Variants in COL23A1 observed in about 807,000 individuals in gnomAD.
COL23A1 encodes collagen alpha-1(XXIII) chain.
A neutral mutation model predicts 99.3 loss-of-function variants in COL23A1; 97 were observed. The ratio of observed to expected loss-of-function variants is 0.98; its 90% CI spans 0.83 to 1.16. The LOEUF (loss-of-function observed/expected upper bound fraction) is 1.16. Ranked by LOEUF, COL23A1 falls within the 50% of genes most tolerant of loss-of-function variation. COL23A1 has a pLI of 0.00. For missense variants in COL23A1, 762 were observed against 757.4 expected (o/e 1.01, Z -0.07); for synonymous variants, 320 against 308.2 (o/e 1.04, Z -0.40).
In COL23A1 at chr5:178,247,807, G is replaced by T. The variant is rs1764791137; in HGVS notation, c.1237C>A (p.Pro413Thr). 2 of 1,613,334 alleles carry T rather than the reference G, an allele frequency of 1.2e-6. No individual in the cohort carries two copies. The highest frequency in any genetic ancestry group is 1.7e-5 in the Admixed American group (1 of 59,936). Residue 413 changes from proline (P) to threonine (T), a missense_variant, in exon 21 of 29, where the codon CCC becomes ACC. Transcript: ENST00000390654. The stretch of plus-strand genomic sequence containing the variant: ...CCTGGGGGGCCAGGGGGGCCAGGGG[G>T]CCCTGGCTCCACTATGAGCTGAGCC... ...SLAQLIVEPGPPGPPGPPGPM... is the reference protein window; with the variant it reads ...SLAQLIVEPGTPGPPGPPGPM...
chr5:178,272,411 G>A (rs1473294827), intron 5 of COL23A1, among the ~76,000 whole-genome samples: 2 of 152,198 alleles, frequency 1.3e-5, no homozygotes, highest in Non-Finnish European at 2.9e-5. Context: ...AGGAAACCAG[G>A]CAGTTCTAAA....
At chr5:178,480,884 G>A (rs1285523009) in intron 2 of COL23A1, among the ~76,000 whole-genome samples, 7 of 152,024 alleles carry the variant, frequency 4.6e-5, no homozygotes, top group African/African-American at 1.5e-4. Flanking sequence ...GGTGGCTCAC[G>A]GCTGTAATCC....
At chr5:178,385,290 C>G (rs562846547) in intron 2 of COL23A1, among the ~76,000 whole-genome samples, 1 of 152,200 alleles carries the variant, frequency 6.6e-6, no homozygotes, top group Non-Finnish European at 1.5e-5. Context: ...TTCCCTCCCC[C>G]CAGGTCTCAG....
In COL23A1 at chr5:178,256,322, C is replaced by T. The variant is rs1257872534; in HGVS notation, c.882+31G>A. The T allele has an allele frequency of 3.8e-6, 6 of 1,567,092 alleles. No homozygotes were observed. In the African/African-American group the frequency reaches 5.4e-5, roughly 14 times the overall value. On this transcript the variant is annotated intron_variant, in intron 15 of 28. Transcript: ENST00000390654. ...GCTATGGGGCCCCTAGATCTCATCCCTGAGGCCTCGCCTGAGGGGCGGCAG... is the reference window on the plus strand; with the variant it reads ...GCTATGGGGCCCCTAGATCTCATCCTTGAGGCCTCGCCTGAGGGGCGGCAG...
chr5:178,417,921 A>G (rs1321975255), intron 2 of COL23A1, among the ~76,000 whole-genome samples: 1 of 152,170 alleles, frequency 6.6e-6, no homozygotes, highest in East Asian at 1.9e-4. Context: ...TTCAGAGCCT[A>G]TTATTTATTC....
rs144352054 is a variant in COL23A1, at chr5:178,357,718, ATGTGTG to A, written c.362-50805_362-50800del. 1.5e-3 allele frequency among the ~76,000 whole-genome samples: 212 copies of A among 145,960 alleles called. 1 individual carries two copies. The South Asian group carries it at 0.033, about 23-fold the overall frequency. On this transcript the variant is annotated intron_variant, in intron 2 of 28. Coordinates refer to ENST00000390654, the MANE Select transcript of COL23A1 (RefSeq NM_173465.4). ...GTCAGGTCAGATTTAAAATGTGTGT[ATGTGTG>A]TGTGTGTGTGTGTATGTACGTGTAT... is the stretch of plus-strand genomic sequence containing the variant.
At chr5:178,261,205 G>T (rs919829394) in intron 11 of COL23A1, among the ~76,000 whole-genome samples, 1 of 152,096 alleles carries the variant, frequency 6.6e-6, no homozygotes, top group African/African-American at 2.4e-5. Flanking sequence ...CTGAGGTCAG[G>T]AGTTCGAGAC....
intron 2 of COL23A1, among the ~76,000 whole-genome samples, chr5:178,556,625 T>TTAAA (rs1554196187): frequency 4.8e-5 from 6 of 124,470 alleles, no homozygotes; most frequent in African/African-American, 1.6e-4. Context: ...CTCTGTCAAA[T>TTAAA]TAAAATAAAA....
intron 6 of COL23A1, among the ~76,000 whole-genome samples, chr5:178,269,206 C>CTT (rs1383290338): frequency 6.6e-6 from 1 of 150,792 alleles, no homozygotes; most frequent in African/African-American, 2.4e-5. Context: ...TTTCTTATTT[C>CTT]TTAAAAAAAA....
At chr5:178,426,369 G>A (rs1472789106) in intron 2 of COL23A1, among the ~76,000 whole-genome samples, 6 of 152,122 alleles carry the variant, frequency 3.9e-5, no homozygotes, top group Admixed American at 6.5e-5. Flanking sequence ...GATGACCCAC[G>A]TTTTTCTGTG....
intron 5 of COL23A1, among the ~76,000 whole-genome samples, chr5:178,274,460 A>C (rs1264716799): frequency 6.6e-6 from 1 of 152,180 alleles, no homozygotes; most frequent in Non-Finnish European, 1.5e-5. Context: ...CCAAGTGTCT[A>C]AGCCCGAGGG....
intron 11 of COL23A1, 118 bp from the exon 12 acceptor site, chr5:178,259,865 C>T (rs1415398417): frequency 3.5e-6 from 3 of 851,230 alleles, no homozygotes; most frequent in Non-Finnish European, 5.4e-6. Context: ...CCAGGGCCAG[C>T]CCAGAGACCC....
At chr5:178,431,753 G>C (rs1387088790) in intron 2 of COL23A1, among the ~76,000 whole-genome samples, 6 of 152,224 alleles carry the variant, frequency 3.9e-5, no homozygotes, top group Non-Finnish European at 8.8e-5. Flanking sequence ...CCGGCCTCAG[G>C]AACATTAAGA....
chr5:178,410,775 G>T (rs61061027), intron 2 of COL23A1, among the ~76,000 whole-genome samples: 22,849 of 152,114 alleles, frequency 0.15, 1,857 homozygotes, highest in Non-Finnish European at 0.2. Flanking sequence ...TCAAAATGCA[G>T]TACAATTTCA....
At chr5:178,550,750 C>A (rs375472614) in intron 2 of COL23A1, among the ~76,000 whole-genome samples, 8 of 152,040 alleles carry the variant, frequency 5.3e-5, no homozygotes, top group African/African-American at 1.9e-4. Flanking sequence ...CATAGGGGGG[C>A]GTGTGATAAT....
chr5:178,357,757 TGTAC>T (rs1338894984), intron 2 of COL23A1, among the ~76,000 whole-genome samples: 97 of 146,502 alleles, frequency 6.6e-4, no homozygotes, highest in African/African-American at 2.3e-3. Flanking sequence ...TATGTGTGTG[TGTAC>T]GTGTATGTAT....
At chr5:178,360,880 C>A (rs935163809) in intron 2 of COL23A1, among the ~76,000 whole-genome samples, 30 of 152,036 alleles carry the variant, frequency 2.0e-4, no homozygotes, top group African/African-American at 5.6e-4. Flanking sequence ...AAATGCTACG[C>A]ACCTGGGGCT....
rs551810409 is a variant in COL23A1, at chr5:178,545,903, C to T, written c.361+14779G>A. Among the ~76,000 whole-genome samples the T allele has an allele frequency of 9.8e-5, 15 of 152,304 alleles. No homozygotes were observed. In the South Asian group the frequency reaches 1.7e-3, roughly 17 times the overall value. ...TGCCTCAGTTTATCCTCAAAACAAA[C>T]CCATAGGGTACATCGTATTACCCCA... On this transcript the variant is annotated intron_variant, in intron 2 of 28. Transcript: ENST00000390654.
chr5:178,569,645 C>T (rs1168712142), intron 1 of COL23A1, among the ~76,000 whole-genome samples: 2 of 152,196 alleles, frequency 1.3e-5, no homozygotes, highest in Non-Finnish European at 2.9e-5. Context: ...TGCAGTTGGT[C>T]TCTGCTCAGG....
Sources: allele counts gnomAD v4.1 joint callset (sites outside exome capture counted in the v4.1 genomes callset), GRCh38; gene constraint gnomAD v4.1.1; transcripts MANE v1.5; gene names NCBI Gene and HGNC (gene_info 2026-07-23, HGNC 2026-07-21).